FBXL17: variants seen among roughly 807,000 people sequenced by gnomAD.
The protein encoded by FBXL17 is F-box and leucine rich repeat protein 17.
A neutral mutation model predicts 66.2 loss-of-function variants in FBXL17; 22 were observed. The ratio of observed to expected loss-of-function variants is 0.33; its 90% CI spans 0.24 to 0.47. The LOEUF (loss-of-function observed/expected upper bound fraction) is 0.47, where lower values mean the gene tolerates loss of function less well. Among genes scored for constraint, FBXL17 ranks in the 20% least tolerant of loss-of-function variants. The pLI is 1.00. For synonymous variants in FBXL17, 474 were observed against 400.5 expected, an observed-to-expected ratio of 1.18 and a Z score of -2.19; for missense variants, 878 against 948.2, an observed-to-expected ratio of 0.93 and a Z score of 0.97.
intron 7 of FBXL17, among the ~76,000 whole-genome samples, chr5:107,887,335 G>T (rs144211167): frequency 6.6e-6 from 1 of 152,220 alleles, no homozygotes; most frequent in African/African-American, 2.4e-5. Context: ...ATAAATGTGA[G>T]AACTAAAAAT....
chr5:108,029,406 C>G (rs745630489), intron 6 of FBXL17, among the ~76,000 whole-genome samples: 1 of 152,128 alleles, frequency 6.6e-6, no homozygotes, highest in Non-Finnish European at 1.5e-5. Flanking sequence ...AGATTGTACT[C>G]TGAATCCTTT....
At chr5:108,093,809 C>T (rs286821) in intron 6 of FBXL17, among the ~76,000 whole-genome samples, 75,884 of 151,864 alleles carry the variant, frequency 0.5, 19,925 homozygotes, top group East Asian at 0.76. Flanking sequence ...TATTCTAATG[C>T]TTAAATTTAT....
intron 6 of FBXL17, among the ~76,000 whole-genome samples, chr5:108,042,387 G>A (rs1467209445): frequency 6.6e-6 from 1 of 152,050 alleles, no homozygotes; most frequent in South Asian, 2.1e-4. Context: ...ATTCTTCATG[G>A]TGTCCTTCTA....
At chr5:108,012,208 T>C (rs1231870803) in intron 7 of FBXL17, among the ~76,000 whole-genome samples, 1 of 152,220 alleles carries the variant, frequency 6.6e-6, no homozygotes, top group African/African-American at 2.4e-5. Flanking sequence ...TTAGTTATAA[T>C]AATTTTAAAA....
At chr5:108,287,125 GATAA>G (rs1757930141) in intron 4 of FBXL17, among the ~76,000 whole-genome samples, 1 of 151,904 alleles carries the variant, frequency 6.6e-6, no homozygotes, top group Non-Finnish European at 1.5e-5. Context: ...ATCAATTCGA[GATAA>G]ATTAAAGACT....
chr5:108,221,889 T>G (rs961197614), intron 5 of FBXL17, among the ~76,000 whole-genome samples: 3 of 152,190 alleles, frequency 2.0e-5, no homozygotes, highest in Non-Finnish European at 4.4e-5. Context: ...ATGTCCTCTT[T>G]TGCCTTTACT....
intron 8 of FBXL17, among the ~76,000 whole-genome samples, chr5:107,877,399 G>A (rs1167089659): frequency 6.6e-6 from 1 of 152,198 alleles, no homozygotes; most frequent in Non-Finnish European, 1.5e-5. Flanking sequence ...AACCAAGAGA[G>A]ACGGCGGGTG....
At chr5:108,322,771 TATCAAGGCCTGTCTATACTGTAC>T (rs1184835935) in intron 4 of FBXL17, among the ~76,000 whole-genome samples, 4 of 151,964 alleles carry the variant, frequency 2.6e-5, no homozygotes, top group African/African-American at 9.7e-5. Flanking sequence ...GCTGAGGTAA[TATCAAGGCCTGTCTATACTGTAC>T]ATCAAGGTCT....
In FBXL17 at chr5:108,081,584, G is replaced by C. The variant is rs1182754408; in HGVS notation, c.1746-60583C>G. On this transcript the variant is annotated intron_variant, in intron 6 of 8. Coordinates refer to ENST00000542267, the MANE Select transcript of FBXL17 (RefSeq NM_001163315.3). The stretch of plus-strand genomic sequence containing the variant: ...AAAATACAAAAAAAAGTAGCCGGCC[G>C]TGGTGGCAGGCGTCTGTAGTCCCAG... Among the ~76,000 whole-genome samples the C allele has an allele frequency of 2.6e-5, 4 of 152,026 alleles. No homozygotes were observed. In the East Asian group the frequency reaches 7.8e-4, roughly 30 times the overall value.
chr5:107,929,432 G>C (rs1750653640), intron 7 of FBXL17, among the ~76,000 whole-genome samples: 1 of 152,064 alleles, frequency 6.6e-6, no homozygotes, highest in South Asian at 2.1e-4. Context: ...GGAACACATA[G>C]TAAATTATTA....
At chr5:107,876,944 T>A (rs1158755455) in intron 8 of FBXL17, among the ~76,000 whole-genome samples, 1 of 152,182 alleles carries the variant, frequency 6.6e-6, no homozygotes, top group Admixed American at 6.5e-5. Flanking sequence ...AATCACCAGA[T>A]AAATGTGAGT....
chr5:108,092,245 A>G (rs562393408), intron 6 of FBXL17, among the ~76,000 whole-genome samples: 2 of 152,324 alleles, frequency 1.3e-5, no homozygotes, highest in South Asian at 4.1e-4. Context: ...AGGTGGATAC[A>G]ATGAGAGTAG....
At chr5:108,120,333 AGAT>A (rs1750436287) in intron 6 of FBXL17, among the ~76,000 whole-genome samples, 1 of 152,210 alleles carries the variant, frequency 6.6e-6, no homozygotes, top group South Asian at 2.1e-4. Context: ...CCTTTGTAAG[AGAT>A]GATGTTTCAG....
At chr5:108,237,887 T>C (rs556854788) in intron 4 of FBXL17, among the ~76,000 whole-genome samples, 2 of 152,226 alleles carry the variant, frequency 1.3e-5, no homozygotes, top group Admixed American at 6.5e-5. Flanking sequence ...AAATACCAAA[T>C]GAAAGAAATT....
At chr5:108,268,501 T>A (rs1178883540) in intron 4 of FBXL17, among the ~76,000 whole-genome samples, 1 of 151,994 alleles carries the variant, frequency 6.6e-6, no homozygotes, top group Non-Finnish European at 1.5e-5. Context: ...GATGCATCAG[T>A]CACTTGGCAC....
chr5:108,064,359 A>G (rs541965576), intron 6 of FBXL17, among the ~76,000 whole-genome samples: 7 of 152,330 alleles, frequency 4.6e-5, no homozygotes, highest in African/African-American at 1.4e-4. Flanking sequence ...AGCTCATTTC[A>G]GTCTGTGAAA....
At chr5:108,224,374 A>G (rs963713006) in intron 4 of FBXL17, 146 bp from the exon 5 acceptor site, 8 of 461,884 alleles carry the variant, frequency 1.7e-5, no homozygotes, top group Non-Finnish European at 3.1e-5. Context: ...CAAACATGCT[A>G]TAATATTCCT....
At chr5:107,933,422 CAATA>C (rs2112578364) in intron 7 of FBXL17, among the ~76,000 whole-genome samples, 1 of 152,252 alleles carries the variant, frequency 6.6e-6, no homozygotes, top group South Asian at 2.1e-4. Flanking sequence ...GACTTACAAA[CAATA>C]AATAGTCACT....
intron 4 of FBXL17, among the ~76,000 whole-genome samples, chr5:108,340,546 T>C (rs976963950): frequency 3.0e-4 from 45 of 152,184 alleles, no homozygotes; most frequent in African/African-American, 1.1e-3. Context: ...ATGTTGTTAA[T>C]GACAATTATG....
Sources: gnomAD v4.1 joint callset for allele counts (sites outside exome capture counted in the v4.1 genomes callset) on GRCh38, gnomAD v4.1.1 for gene constraint, MANE v1.5 for transcripts, NCBI Gene and HGNC (gene_info 2026-07-23, HGNC 2026-07-21) for gene names.